CFAP58: variants seen among roughly 807,000 people sequenced by gnomAD.
CFAP58 encodes the protein cilia and flagella associated protein 58.
CFAP58 carries 88 observed loss-of-function variants against 119.5 expected under a neutral mutation model. The ratio of observed to expected loss-of-function variants is 0.74; its 90% CI spans 0.62 to 0.88. The LOEUF is 0.88. CFAP58 is among the 40% of genes least tolerant of loss of function. CFAP58 has a pLI of 0.00. For missense variants in CFAP58, 990 were observed against 1,021.2 expected, an observed-to-expected ratio of 0.97 and a Z score of 0.42; for synonymous variants, 365 against 366.3, an observed-to-expected ratio of 1.00 and a Z score of 0.04.
rs536538200 is a variant in CFAP58 at position 104,413,099 on chromosome 10, T to C, written c.2256+6306T>C. ...TCTTGTTGATCATCACATCCCTAAT[T>C]TCTCATCCACAAATATTTGTCTAGC... On this transcript the variant is annotated intron_variant, in intron 15 of 17. Transcript: ENST00000369704. 1.2e-4 allele frequency among the ~76,000 whole-genome samples: 18 copies of C among 152,338 alleles called. No individual in the cohort carries two copies. The East Asian group carries it at 3.5e-3, about 29-fold the overall frequency.
At chr10:104,391,530 C>A (rs1404304595) in intron 9 of CFAP58, among the ~76,000 whole-genome samples, 1 of 152,092 alleles carries the variant, frequency 6.6e-6, no homozygotes, top group Non-Finnish European at 1.5e-5. Context: ...AAAAAAGCAA[C>A]TTGTGTGGAC....
the CFAP58 span, among the ~76,000 whole-genome samples, chr10:104,342,844 CAAA>C: frequency 3.5e-4 from 17 of 48,512 alleles, no homozygotes; most frequent in South Asian, 2.0e-3. Context: ...GACCCTGTAT[CAAA>C]AAAAAAAAAA....
Position 104,450,167 on chromosome 10 carries a change from A to G in CFAP58, c.2473A>G (p.Lys825Glu). 6.2e-7 allele frequency: 1 copy of G among 1,613,554 alleles called. No homozygotes were observed. Among genetic ancestry groups the G allele is most frequent in the Non-Finnish European group, 8.5e-7 (1 of 1,179,880 alleles). The change falls in exon 17 of 18, where the codon AAA becomes GAA. Residue 825 changes from lysine to glutamate, a missense_variant. Coordinates refer to ENST00000369704, the MANE Select transcript of CFAP58 (RefSeq NM_001008723.2). ...CAATGAGCTCCAGAATTTAAAGAAG[A>G]AATACCTCGCTCAGAAACGTAAAGA... is the stretch of plus-strand genomic sequence containing the variant. Reference protein sequence around the residue: ...LTNELQNLKKKYLAQKRKEQL... With the variant: ...LTNELQNLKKEYLAQKRKEQL...
intron 11 of CFAP58, among the ~76,000 whole-genome samples, chr10:104,394,260 TC>T: frequency 6.6e-6 from 1 of 152,308 alleles, no homozygotes; most frequent in South Asian, 2.1e-4. Flanking sequence ...AGATTTCCCT[TC>T]CAATCCAATT....
intron 8 of CFAP58, among the ~76,000 whole-genome samples, chr10:104,378,335 A>G (rs1486305816): frequency 6.6e-6 from 1 of 151,934 alleles, no homozygotes; most frequent in Non-Finnish European, 1.5e-5. Flanking sequence ...TTATAGAACA[A>G]ATGTTTAACC....
intron 6 of CFAP58, among the ~76,000 whole-genome samples, chr10:104,369,765 T>G (rs937802302): frequency 6.6e-5 from 10 of 152,214 alleles, no homozygotes; most frequent in African/African-American, 2.4e-4. Context: ...GAGGATAACA[T>G]GAACAGCTAA....
At chr10:104,349,731 C>T (rs1271062610), upstream of CFAP58, among the ~76,000 whole-genome samples, 3 of 152,118 alleles carry the variant, frequency 2.0e-5, no homozygotes, top group Non-Finnish European at 4.4e-5. Context: ...CATTAGTTAC[C>T]ACTGTGGGAT....
intron 7 of CFAP58, 41 bp from the exon 8 acceptor site, chr10:104,376,770 G>A (rs559327518): frequency 4.0e-6 from 6 of 1,517,074 alleles, no homozygotes; most frequent in East Asian, 4.5e-5. Flanking sequence ...CTCTTAGGTC[G>A]ACTCTACGTT....
chr10:104,439,469 AAAATTTGTT>A (rs1172208889), intron 15 of CFAP58, among the ~76,000 whole-genome samples: 1 of 152,230 alleles, frequency 6.6e-6, no homozygotes, highest in African/African-American at 2.4e-5. Context: ...ATTAAAATGT[AAAATTTGTT>A]AATTATAAGA....
At chr10:104,359,360 A>G (rs959751332) in intron 2 of CFAP58, among the ~76,000 whole-genome samples, 12 of 152,240 alleles carry the variant, frequency 7.9e-5, no homozygotes, top group African/African-American at 2.4e-4. Flanking sequence ...CCAGTACTAA[A>G]TAACGATTAT....
At chr10:104,372,132 C>T (rs2014832501) in intron 7 of CFAP58, among the ~76,000 whole-genome samples, 1 of 152,148 alleles carries the variant, frequency 6.6e-6, no homozygotes, top group Admixed American at 6.5e-5. Flanking sequence ...GCAGGCGGAT[C>T]ACCTGAGGTC....
At chr10:104,351,135 C>G (rs1007457207), upstream of CFAP58, among the ~76,000 whole-genome samples, 10 of 152,324 alleles carry the variant, frequency 6.6e-5, 1 homozygote, top group African/African-American at 2.2e-4. Flanking sequence ...TGTCCCATTT[C>G]AAGCTCATTT....
Position 104,369,568 on chromosome 10 carries a change from A to G in CFAP58, c.930+1008A>G, listed in dbSNP as rs538963056. Among the ~76,000 whole-genome samples, 9 of 152,368 alleles carry G rather than the reference A, an allele frequency of 5.9e-5. No homozygotes were observed. In the East Asian group the frequency reaches 1.3e-3, roughly 23 times the overall value. ...AACCATTCTTTATGAGAATGCAATA[A>G]GTTAAAGAAGAGATGAGATGACTAC... On this transcript the variant is annotated intron_variant, in intron 6 of 17. Transcript: ENST00000369704.
At chr10:104,344,862 C>T in the CFAP58 span, among the ~76,000 whole-genome samples, 365 of 152,094 alleles carry the variant, frequency 2.4e-3, 5 homozygotes, top group African/African-American at 7.7e-3. Flanking sequence ...ACCTAACAGG[C>T]AGAAAAGAGG....
intron 16 of CFAP58, 140 bp downstream of exon 16, chr10:104,447,957 A>G: frequency 1.9e-6 from 2 of 1,068,770 alleles, no homozygotes; most frequent in South Asian, 1.7e-5. Flanking sequence ...TTAGAGCTCT[A>G]GTCTAGGATG....
the CFAP58 span, among the ~76,000 whole-genome samples, chr10:104,341,157 C>A: frequency 6.6e-6 from 1 of 152,068 alleles, no homozygotes; most frequent in Non-Finnish European, 1.5e-5. Context: ...GGTTGTTTAT[C>A]CTGGTCCCTA....
intron 17 of CFAP58, among the ~76,000 whole-genome samples, chr10:104,450,612 A>T (rs2013178513): frequency 6.6e-6 from 1 of 152,156 alleles, no homozygotes; most frequent in Admixed American, 6.6e-5. Flanking sequence ...GGCTTAGTAA[A>T]GCTGTTCTTT....
intron 3 of CFAP58, among the ~76,000 whole-genome samples, chr10:104,362,921 G>A (rs569148119): frequency 4.1e-4 from 63 of 152,214 alleles, no homozygotes; most frequent in African/African-American, 1.5e-3. Context: ...CTCTAGCCTC[G>A]TGCGAGCCCA....
At chr10:104,443,429 C>T (rs1025040317) in intron 15 of CFAP58, among the ~76,000 whole-genome samples, 1 of 152,196 alleles carries the variant, frequency 6.6e-6, no homozygotes, top group Non-Finnish European at 1.5e-5. Flanking sequence ...CTGCCTGTTT[C>T]GCTTGAGTCA....
Sources: allele counts gnomAD v4.1 joint callset (sites outside exome capture counted in the v4.1 genomes callset), GRCh38; gene constraint gnomAD v4.1.1; transcripts MANE v1.5; gene names NCBI Gene and HGNC (gene_info 2026-07-23, HGNC 2026-07-21).